The following CNOT6 variants were observed in gnomAD, a reference collection of about 807,000 sequenced individuals.
CNOT6 encodes carbon catabolite repression 4 protein.
A neutral mutation model predicts 61.2 loss-of-function variants in CNOT6; 12 were observed. The ratio of observed to expected loss-of-function variants is 0.20; its 90% CI spans 0.13 to 0.32. The LOEUF (loss-of-function observed/expected upper bound fraction) is 0.32, where lower values mean the gene tolerates loss of function less well. CNOT6 is among the 10% of genes least tolerant of loss of function. The pLI is 1.00. For synonymous variants in CNOT6, 225 were observed against 240.6 expected (o/e 0.94, Z 0.60); for missense variants, 405 against 663.9 (o/e 0.61, Z 4.28).
chr5:180,569,103 A>C lies in CNOT6; in HGVS notation c.1028-7A>C. On this transcript the variant is annotated splice_region_variant and splice_polypyrimidine_tract_variant and intron_variant, in intron 9 of 11. Coordinates refer to ENST00000261951, the MANE Select transcript of CNOT6 (RefSeq NM_001370472.1). ...CTCTTTCTTTGTTTCGTTTTTATCT[A>C]ATGTAGCCGGAAAGCCACATCTTGG... is the stretch of plus-strand genomic sequence containing the variant. 6.2e-7 allele frequency: 1 copy of C among 1,602,890 alleles called. No individual in the cohort carries two copies. The highest frequency in any genetic ancestry group is 8.5e-7 in the Non-Finnish European group (1 of 1,170,484).
intron 4 of CNOT6, among the ~76,000 whole-genome samples, chr5:180,555,028 A>T (rs1759811715): frequency 1.3e-5 from 2 of 148,210 alleles, no homozygotes; most frequent in Middle Eastern, 6.9e-3. Context: ...TTTTTTTGAG[A>T]GAGAGTCTCT....
At chr5:180,503,262 CTT>C (rs66503357) in intron 1 of CNOT6, among the ~76,000 whole-genome samples, 18 of 133,776 alleles carry the variant, frequency 1.3e-4, no homozygotes, top group African/African-American at 1.1e-4. Context: ...TTGTATTTTT[CTT>C]TTTTTTTTTT....
intron 1 of CNOT6, among the ~76,000 whole-genome samples, chr5:180,501,568 G>C (rs141902641): frequency 6.6e-6 from 1 of 152,336 alleles, no homozygotes; most frequent in Non-Finnish European, 1.5e-5. Flanking sequence ...CTCAGGAAGA[G>C]TGTGTGAACA....
intron 2 of CNOT6, among the ~76,000 whole-genome samples, chr5:180,533,510 A>G (rs1233637957): frequency 6.6e-6 from 1 of 151,800 alleles, no homozygotes; most frequent in Non-Finnish European, 1.5e-5. Context: ...TCCTGGGCTC[A>G]TGTGATCCTC....
At chr5:180,508,532 G>A (rs1450094962) in intron 1 of CNOT6, among the ~76,000 whole-genome samples, 3 of 152,096 alleles carry the variant, frequency 2.0e-5, no homozygotes, top group East Asian at 3.9e-4. Flanking sequence ...GGATGGTCTC[G>A]ATCTCCTGAC....
At chr5:180,535,225 A>G (rs1758622837) in intron 2 of CNOT6, among the ~76,000 whole-genome samples, 1 of 152,244 alleles carries the variant, frequency 6.6e-6, no homozygotes, top group Admixed American at 6.5e-5. Flanking sequence ...TACCGGATAT[A>G]TTGTGTAGTG....
At chr5:180,513,765 C>T (rs990409109) in intron 1 of CNOT6, among the ~76,000 whole-genome samples, 7 of 151,202 alleles carry the variant, frequency 4.6e-5, no homozygotes, top group South Asian at 2.1e-4. Context: ...TGCAGTGGCG[C>T]GATCTCAGCT....
At chr5:180,520,729 G>T (rs1446831206) in intron 1 of CNOT6, among the ~76,000 whole-genome samples, 1 of 151,740 alleles carries the variant, frequency 6.6e-6, no homozygotes, top group African/African-American at 2.4e-5. Context: ...GCAAGGTTGG[G>T]GTTTATGAGT....
At chr5:180,552,376 A>G (rs571114612) in intron 3 of CNOT6, among the ~76,000 whole-genome samples, 79 of 150,622 alleles carry the variant, frequency 5.2e-4, no homozygotes, top group Non-Finnish European at 8.9e-4. Flanking sequence ...ACGATGGCTC[A>G]AGCCTATAAT....
In CNOT6 at chr5:180,576,633, T is replaced by C. The variant is rs1761009750; in HGVS notation, c.*2433T>C. ...ACAGTGATAAATTGAACCAAGAGTGTAGATTTACAAGTGTAACCTTCAAAA... is the reference window on the plus strand; with the variant it reads ...ACAGTGATAAATTGAACCAAGAGTGCAGATTTACAAGTGTAACCTTCAAAA... On this transcript the variant is annotated 3_prime_UTR_variant, in exon 12 of 12. Coordinates refer to ENST00000261951, the MANE Select transcript of CNOT6 (RefSeq NM_001370472.1). 1 of 152,432 alleles carries C rather than the reference T, an allele frequency of 6.6e-6. No homozygotes were observed. The highest frequency in any genetic ancestry group is 1.5e-5 in the Non-Finnish European group (1 of 68,040). 9.4% of individuals were successfully genotyped at this position (152,432 alleles called of 1,614,324 possible).
chr5:180,544,075 T>C (rs1420803765), intron 2 of CNOT6, among the ~76,000 whole-genome samples: 1 of 152,242 alleles, frequency 6.6e-6, no homozygotes, highest in East Asian at 1.9e-4. Context: ...CCTCCCAAAG[T>C]GCTGGGATTA....
intron 1 of CNOT6, among the ~76,000 whole-genome samples, chr5:180,515,857 A>G (rs1336165915): frequency 6.6e-6 from 1 of 152,164 alleles, no homozygotes; most frequent in African/African-American, 2.4e-5. Context: ...GAAGAAGAAA[A>G]TGTGAAAAGC....
rs1048907197 is a variant in CNOT6 at position 180,494,532 on chromosome 5, AGAGGGCGG to A, written c.-226_-219del. On this transcript the variant is annotated 5_prime_UTR_variant, in exon 1 of 12. An upstream open reading frame in the 5' UTR loses its in-frame stop. Coordinates refer to ENST00000261951, the MANE Select transcript of CNOT6 (RefSeq NM_001370472.1). ...GCGAGGAGGGCGAGGCCGGGGGCCG[AGAGGGCGG>A]GAGGGCGTAGTGGCGGCCCGTCGGG... 1.4e-5 allele frequency: 2 copies of A among 147,110 alleles called. No homozygotes were observed. The highest frequency in any genetic ancestry group is 5.2e-5 in the African/African-American group (2 of 38,414). 9.1% of individuals were successfully genotyped at this position (147,110 alleles called of 1,614,324 possible).
chr5:180,577,338 A>G lies in CNOT6; in HGVS notation c.*3138A>G, dbSNP rs1761056231. 1 of 152,610 alleles carries G rather than the reference A, an allele frequency of 6.6e-6. No homozygotes were observed. Among genetic ancestry groups the G allele is most frequent in the East Asian group, 1.9e-4 (1 of 5,204 alleles). 9.5% of individuals were successfully genotyped at this position (152,610 alleles called of 1,614,324 possible). A position where few individuals can be genotyped will look rare whatever the true frequency, so the allele number is the denominator to read the frequency against. ...AAGCTCTTTCGAGATTCAGGTTCTCAATAATAATATTCAAGTTTTAGAGTT... is the reference window on the plus strand; with the variant it reads ...AAGCTCTTTCGAGATTCAGGTTCTCGATAATAATATTCAAGTTTTAGAGTT... On this transcript the variant is annotated 3_prime_UTR_variant, in exon 12 of 12. Transcript: ENST00000261951.
intron 4 of CNOT6, among the ~76,000 whole-genome samples, chr5:180,557,337 T>C (rs543136180): frequency 1.3e-5 from 2 of 152,210 alleles, no homozygotes; most frequent in Admixed American, 6.5e-5. Flanking sequence ...TTTTCTGTAG[T>C]GTAAGTACTG....
chr5:180,554,603 T>TG (rs11390999), intron 4 of CNOT6, among the ~76,000 whole-genome samples: 129,414 of 152,024 alleles, frequency 0.85, 55,447 homozygotes, highest in East Asian at 1. Flanking sequence ...TGGTTTGTAA[T>TG]TTTTTTTCTG....
rs1760731859 is a variant in CNOT6 at position 180,571,257 on chromosome 5, G to A, written c.1286G>A (p.Gly429Glu). 1 of 1,613,870 alleles carries A rather than the reference G, an allele frequency of 6.2e-7. No homozygotes were observed. Among genetic ancestry groups the A allele is most frequent in the South Asian group, 1.1e-5 (1 of 91,080 alleles). Residue 429 changes from glycine to glutamate, a missense_variant, in exon 11 of 12, where the codon GGA becomes GAA. Around this residue, in one of 5 missense-constraint regions of CNOT6, gnomAD observed 116 missense variants for 184.6 expected, o/e 0.63. Transcript: ENST00000261951. ...SGVVEYLSTG[G>E]VETNHKDFKE... ...GTTGTAGAATATTTGAGCACAGGTGGAGTAGAAACAAATCACAAAGACTTT... is the reference window on the plus strand; with the variant it reads ...GTTGTAGAATATTTGAGCACAGGTGAAGTAGAAACAAATCACAAAGACTTT...
chr5:180,562,147 G>A (rs556452048), intron 4 of CNOT6, among the ~76,000 whole-genome samples: 5 of 152,288 alleles, frequency 3.3e-5, no homozygotes, highest in South Asian at 2.1e-4. Context: ...GTGAACCCAG[G>A]GAACTCATCC....
chr5:180,501,791 G>C (rs1242019625), intron 1 of CNOT6, among the ~76,000 whole-genome samples: 1 of 152,186 alleles, frequency 6.6e-6, no homozygotes, highest in Middle Eastern at 3.2e-3. Flanking sequence ...GAACAGGAGA[G>C]AGTAACGCTA....
Sources: gnomAD v4.1 joint callset for allele counts (sites outside exome capture counted in the v4.1 genomes callset) on GRCh38, gnomAD v4.1.1 for gene constraint, gnomAD v4.1.1 regional missense constraint, MANE v1.5 for transcripts, NCBI Gene and HGNC (gene_info 2026-07-23, HGNC 2026-07-21) for gene names.